DMRTC2: variants seen among roughly 807,000 people sequenced by gnomAD.
The protein encoded by DMRTC2 is doublesex- and mab-3-related transcription factor C2.
DMRTC2 carries 13 observed loss-of-function variants against 39.9 expected under a neutral mutation model. That is an observed-to-expected ratio of 0.33 (90% confidence interval 0.21 to 0.52). DMRTC2 has a LOEUF of 0.52. DMRTC2 is among the 20% of genes least tolerant of loss of function. The pLI is 0.96. For missense variants in DMRTC2, 431 were observed against 472.8 expected, an observed-to-expected ratio of 0.91 and a Z score of 0.82; for synonymous variants, 189 against 185.2, an observed-to-expected ratio of 1.02 and a Z score of -0.17.
rs1288363559 is a variant in DMRTC2, at chr19:41,848,498, A to G, written c.417A>G (p.Ala139=). 1.2e-6 allele frequency: 2 copies of G among 1,603,656 alleles called. No homozygotes were observed. ...IAPQPQTPHG[A]VLLAPTPPGK... ...CCCAGCCTCAGACCCCCCATGGGGC[A>G]GTCCTGCTGGCACCGACACCCCCCG... Residue 139 remains alanine (A), a synonymous_variant, in exon 4 of 9, where the codon GCA becomes GCG. Coordinates refer to ENST00000269945, the MANE Select transcript of DMRTC2 (RefSeq NM_001040283.3).
chr19:41,850,257 G>T, intron 6 of DMRTC2, 55 bp from the exon 7 acceptor site: 1 of 1,408,222 alleles, frequency 7.1e-7, no homozygotes, highest in South Asian at 1.6e-5. Context: ...CTTTCAATGT[G>T]TGCATGTCTG....
chr19:41,846,281 G>A (rs947868272), intron 1 of DMRTC2, among the ~76,000 whole-genome samples: 5 of 152,196 alleles, frequency 3.3e-5, no homozygotes, highest in Non-Finnish European at 7.3e-5. Context: ...CTGTTGGGAC[G>A]GAACAGGGTG....
At position 41,851,280 on chromosome 19, in the gene DMRTC2, G is replaced by A. The variant is rs139892036; in HGVS notation, c.992-304G>A. On this transcript the variant is annotated intron_variant, in intron 8 of 8. Coordinates refer to ENST00000269945, the MANE Select transcript of DMRTC2 (RefSeq NM_001040283.3). ...AAAGGAGGCTGGAGAGGCTTCTGAT[G>A]GTGGAGATCTGGCATGCCAGGCTTA... The A allele has an allele frequency of 1.6e-4, 54 of 328,736 alleles. No individual in the cohort carries two copies. The East Asian group carries it at 3.1e-3, about 19-fold the overall frequency. 20.4% of individuals were successfully genotyped at this position (328,736 alleles called of 1,614,324 possible).
At position 41,849,256 on chromosome 19, in the gene DMRTC2, C is replaced by T. The variant is rs781913731; in HGVS notation, c.755C>T (p.Thr252Ile). 1.9e-5 allele frequency: 30 copies of T among 1,613,690 alleles called. No individual in the cohort carries two copies. Among genetic ancestry groups the T allele is most frequent in the South Asian group, 8.8e-5 (8 of 91,068 alleles). Reference protein sequence around the residue: ...EPQGPPSQPRTHSTLILQPCG... With the variant: ...EPQGPPSQPRIHSTLILQPCG... ...CAAGGGCCCCCTAGCCAGCCCCGCACGTGAGTAGGGAGAGAAGGATGTGTA... is the reference window on the plus strand; with the variant it reads ...CAAGGGCCCCCTAGCCAGCCCCGCATGTGAGTAGGGAGAGAAGGATGTGTA... Residue 252 changes from threonine (T) to isoleucine (I), a missense_variant and splice_region_variant, in exon 6 of 9, where the codon ACA becomes ATA. Thr to Ile is a moderately conservative substitution (Grantham distance 89). Coordinates refer to ENST00000269945, the MANE Select transcript of DMRTC2 (RefSeq NM_001040283.3).
rs200294003 is a variant in DMRTC2, at chr19:41,847,790, G to A, written c.279G>A (p.Ala93=). 22 of 1,611,626 alleles carry A rather than the reference G, an allele frequency of 1.4e-5. No individual in the cohort carries two copies. Among genetic ancestry groups the A allele is most frequent in the East Asian group, 1.1e-4 (5 of 44,756 alleles). The change falls in exon 3 of 9, where the codon GCG becomes GCA. Residue 93 remains alanine (A), a synonymous_variant. Transcript: ENST00000269945. ...AQVALRRQQE[A]QLKKHLMRRG... is the part of the protein sequence containing the mutation. ...TGGCCTTGCGTAGGCAGCAGGAGGC[G>A]CAGCTAAAGAAGCACCTGATGAGGA...
At position 41,848,691 on chromosome 19, in the gene DMRTC2, GC is replaced by G. The variant is rs1371335848; in HGVS notation, c.448-102del. The G allele has an allele frequency of 1.1e-4, 166 of 1,574,148 alleles. 1 individual carries two copies. In the East Asian group the frequency reaches 3.7e-3, roughly 35 times the overall value. On this transcript the variant is annotated intron_variant, in intron 4 of 8. Coordinates refer to ENST00000269945, the MANE Select transcript of DMRTC2 (RefSeq NM_001040283.3). ...TAGGCAAAATGAGGGGAAAACGAGG[GC>G]CTCCCAGCCCCAAAGTTTTGGGGTT...
intron 8 of DMRTC2, 62 bp downstream of exon 8, chr19:41,850,762 C>G (rs1367691825): frequency 5.4e-6 from 8 of 1,479,284 alleles, no homozygotes. Context: ...CTGAAGTACA[C>G]AGGGACTAAC....
At position 41,851,677 on chromosome 19, in the gene DMRTC2, C is replaced by A; in HGVS notation, c.1085C>A (p.Ser362Tyr). Residue 362 changes from serine (S) to tyrosine (Y), a missense_variant, in exon 9 of 9, where the codon TCC (serine) becomes TAC (tyrosine). By Grantham distance (144) the Ser-to-Tyr change is moderately radical (BLOSUM62 -2). Coordinates refer to ENST00000269945, the MANE Select transcript of DMRTC2 (RefSeq NM_001040283.3). ...GCTCTGCATATTGGCCGTCTGGGGT[C>A]CATCTCCCTCCTGAGCTAGAAACCC... ...SVALHIGRLG[S>Y]ISLLS is the part of the protein sequence containing the mutation. 6.2e-7 allele frequency: 1 copy of A among 1,614,140 alleles called. No individual in the cohort carries two copies.
At chr19:41,845,673 A>G (rs1180240858) in intron 1 of DMRTC2, among the ~76,000 whole-genome samples, 1 of 152,162 alleles carries the variant, frequency 6.6e-6, no homozygotes. Flanking sequence ...CTAAAAATAC[A>G]AAAATTAGAC....
Position 41,848,776 on chromosome 19 carries a change from G to C in DMRTC2, c.448-19G>C, listed in dbSNP as rs1466772310. ...CCAGCCTTGTACCCAACTCCAGCCTGTGCCCTCTGCCCCTGCAGAACTCCT... is the reference window on the plus strand; with the variant it reads ...CCAGCCTTGTACCCAACTCCAGCCTCTGCCCTCTGCCCCTGCAGAACTCCT... On this transcript the variant is annotated intron_variant, in intron 4 of 8. Coordinates refer to ENST00000269945, the MANE Select transcript of DMRTC2 (RefSeq NM_001040283.3). 1.9e-6 allele frequency: 3 copies of C among 1,606,748 alleles called. No individual in the cohort carries two copies. The highest frequency in any genetic ancestry group is 2.7e-5 in the African/African-American group (2 of 74,916).
chr19:41,850,968 G>A (rs2073947178), intron 8 of DMRTC2: 1 of 390,670 alleles, frequency 2.6e-6, no homozygotes, highest in Admixed American at 4.4e-5. Context: ...GGCATATAGT[G>A]AGACAGTGGC....
Position 41,848,964 on chromosome 19 carries a change from C to T in DMRTC2, c.617C>T (p.Pro206Leu). 1.2e-6 allele frequency: 2 copies of T among 1,614,128 alleles called. No individual in the cohort carries two copies. Among genetic ancestry groups the T allele is most frequent in the East Asian group, 2.2e-5 (1 of 44,888 alleles). Residue 206 changes from proline to leucine, a missense_variant, in exon 5 of 9, where the codon CCT (proline) becomes CTT (leucine). Physicochemically the swap from Pro to Leu is moderately conservative, Grantham distance 98. Transcript: ENST00000269945. ...LLYQEPAVSLPPFPGFDPGTS... is the reference protein window; with the variant it reads ...LLYQEPAVSLLPFPGFDPGTS... ...TACCAAGAACCTGCTGTCTCTCTGC[C>T]TCCCTTCCCTGGTAAGATGATAATT...
At chr19:41,850,129 G>A in intron 6 of DMRTC2, 183 bp from the exon 7 acceptor site, 1 of 493,172 alleles carries the variant, frequency 2.0e-6, no homozygotes, top group Non-Finnish European at 3.5e-6. Context: ...CAGTAGCCCT[G>A]GGAGGAAAAA....
rs200052407 is a variant in DMRTC2, at chr19:41,850,352, C to T, written c.796C>T (p.Pro266Ser). The change falls in exon 7 of 9, where the codon CCT (proline) becomes TCT (serine). Residue 266 changes from proline (P) to serine (S), a missense_variant. Coordinates refer to ENST00000269945, the MANE Select transcript of DMRTC2 (RefSeq NM_001040283.3). ...LILQPCGTPD[P>S]LQLQPQASGA... ...ACTCCAGCCCTGTGGCACCCCAGACCCTCTTCAGCTACAGCCACAGGTCCT... is the reference window on the plus strand; with the variant it reads ...ACTCCAGCCCTGTGGCACCCCAGACTCTCTTCAGCTACAGCCACAGGTCCT... 6.6e-7 allele frequency: 1 copy of T among 1,518,546 alleles called. No individual in the cohort carries two copies. Among genetic ancestry groups the T allele is most frequent in the East Asian group, 2.3e-5 (1 of 43,434 alleles). 94.1% of individuals were successfully genotyped at this position (1,518,546 alleles called of 1,614,324 possible). A position where few individuals can be genotyped will look rare whatever the true frequency, so the allele number is the denominator to read the frequency against.
Position 41,848,856 on chromosome 19 carries a change from C to T in DMRTC2, c.509C>T (p.Pro170Leu), listed in dbSNP as rs145708066. The T allele has an allele frequency of 2.8e-3, 4,547 of 1,612,148 alleles. 12 individuals are homozygous for T. The highest frequency in any genetic ancestry group is 2.9e-3 in the Non-Finnish European group (3,477 of 1,180,010). ...GAAGCCTCGCCCTTGTCCTGGACTC[C>T]GGTGCCTCCTGGCCCTTGGGTCCCT... is the stretch of plus-strand genomic sequence containing the variant. ...PPEASPLSWT[P>L]VPPGPWVPGH... is the part of the protein sequence containing the mutation. Residue 170 changes from proline to leucine, a missense_variant, in exon 5 of 9, where the codon CCG becomes CTG. Coordinates refer to ENST00000269945, the MANE Select transcript of DMRTC2 (RefSeq NM_001040283.3).
At chr19:41,846,602 C>T (rs2073854267) in intron 1 of DMRTC2, among the ~76,000 whole-genome samples, 3 of 151,914 alleles carry the variant, frequency 2.0e-5, no homozygotes, top group African/African-American at 7.3e-5. Flanking sequence ...GAGTCTTGCT[C>T]CGTCACCCAG....
At chr19:41,847,257 C>T in intron 1 of DMRTC2, 168 bp from the exon 2 acceptor site, 2 of 984,222 alleles carry the variant, frequency 2.0e-6, no homozygotes, top group Non-Finnish European at 2.4e-6. Flanking sequence ...AGGAAGATAC[C>T]TGAGAAATGT....
chr19:41,852,268 C>A lies in DMRTC2; in HGVS notation c.*572C>A, dbSNP rs2073965641. On this transcript the variant is annotated 3_prime_UTR_variant, in exon 9 of 9. Coordinates refer to ENST00000269945, the MANE Select transcript of DMRTC2 (RefSeq NM_001040283.3). ...GAAAAATCTGTTATCCAATAGCTAC[C>A]ATAGATGAAAACAAACTTGGATTTT... 6.6e-6 allele frequency: 1 copy of A among 152,024 alleles called. No homozygotes were observed. The highest frequency in any genetic ancestry group is 6.6e-5 in the Admixed American group (1 of 15,252). The allele number at this position is 152,024 out of a possible 1,614,324, so 9.4% of individuals were successfully genotyped here.
Position 41,847,414 on chromosome 19 carries a change from C to T in DMRTC2, c.-4-11C>T, listed in dbSNP as rs1335157184. 1 of 1,537,006 alleles carries T rather than the reference C, an allele frequency of 6.5e-7. No homozygotes were observed. The highest frequency in any genetic ancestry group is 8.8e-7 in the Non-Finnish European group (1 of 1,142,274). Reference sequence around the variant, plus strand: ...CACCTGGCTATGCTTACCTTCCACTCCTGCCCCTAGATCCATGGAACCCAG... The same window carrying T: ...CACCTGGCTATGCTTACCTTCCACTTCTGCCCCTAGATCCATGGAACCCAG... On this transcript the variant is annotated splice_polypyrimidine_tract_variant and intron_variant, in intron 1 of 8. Coordinates refer to ENST00000269945, the MANE Select transcript of DMRTC2 (RefSeq NM_001040283.3).
Sources: gnomAD v4.1 joint callset for allele counts (sites outside exome capture counted in the v4.1 genomes callset) on GRCh38, gnomAD v4.1.1 for gene constraint, MANE v1.5 for transcripts, NCBI Gene and HGNC (gene_info 2026-07-23, HGNC 2026-07-21) for gene names.